The following ANO4 variants were observed in gnomAD, a reference collection of about 807,000 sequenced individuals.
The protein encoded by ANO4 is anoctamin-4.
Under a neutral mutation model 141.9 loss-of-function variants are expected in ANO4, and 69 were observed. The ratio of observed to expected loss-of-function variants is 0.49; its 90% CI spans 0.40 to 0.59. The LOEUF (loss-of-function observed/expected upper bound fraction) is 0.59, where lower values mean the gene tolerates loss of function less well. ANO4 is among the 20% of genes least tolerant of loss of function. The pLI is 0.00. For missense variants in ANO4, 894 were observed against 1,162.2 expected (o/e 0.77, Z 3.36); for synonymous variants, 350 against 394.3 (o/e 0.89, Z 1.33).
chr12:100,840,746 C>T (rs1370163306), intron 1 of ANO4, among the ~76,000 whole-genome samples: 1 of 152,092 alleles, frequency 6.6e-6, no homozygotes, highest in Non-Finnish European at 1.5e-5. Flanking sequence ...ATAGAGACCC[C>T]CTCAAAGATC....
chr12:101,111,570 G>A lies in ANO4; in HGVS notation c.2310G>A (p.Trp770Ter). The A allele has an allele frequency of 2.5e-6, 4 of 1,603,814 alleles. No individual in the cohort carries two copies. Among genetic ancestry groups the A allele is most frequent in the Non-Finnish European group, 3.4e-6 (4 of 1,175,230 alleles). The change falls in exon 24 of 28, where the codon TGG becomes TGA. Residue 770 changes from tryptophan to a stop codon, truncating the protein, a stop_gained. Coordinates refer to ENST00000392977, the MANE Select transcript of ANO4 (RefSeq NM_001286615.2). LOFTEE classifies it high-confidence loss of function. Reference protein sequence around the residue: ...LASRAKDIGIWYGILEGIGIL... With the variant: ...LASRAKDIGI ...ACACTTCTATTTGAATAGGAATTTG[G>A]TATGGAATTCTTGAAGGCATTGGAA...
intron 1 of ANO4, among the ~76,000 whole-genome samples, chr12:100,724,375 G>A (rs2136748856): frequency 6.6e-6 from 1 of 152,344 alleles, no homozygotes; most frequent in East Asian, 1.9e-4. Context: ...GTTTGAGGAT[G>A]CAAGATGAGT....
intron 17 of ANO4, among the ~76,000 whole-genome samples, chr12:101,087,048 C>T (rs2049532384): frequency 6.6e-6 from 1 of 152,146 alleles, no homozygotes; most frequent in Non-Finnish European, 1.5e-5. Context: ...TAAGATTGGG[C>T]AAAGCACATA....
At chr12:100,717,616 C>T (rs1365252381) in intron 1 of ANO4, 1 of 399,148 alleles carries the variant, frequency 2.5e-6, no homozygotes, top group Non-Finnish European at 4.4e-6. Flanking sequence ...GCCGTCGAAA[C>T]ACCCGGGGAA....
At chr12:100,825,691 T>C (rs750143703) in intron 1 of ANO4, among the ~76,000 whole-genome samples, 1 of 151,992 alleles carries the variant, frequency 6.6e-6, no homozygotes, top group Non-Finnish European at 1.5e-5. Context: ...GGTGTGAAAA[T>C]TTGGAACACT....
rs532656844 is a variant in ANO4 at position 100,914,645 on chromosome 12, CT to C, written c.56-7572del. On this transcript the variant is annotated intron_variant, in intron 2 of 27. Coordinates refer to ENST00000392977, the MANE Select transcript of ANO4 (RefSeq NM_001286615.2). ...ATAATGTTAAAAAAACAAGATGGAACTTTTTTTTTCAGAACCAGTAGCATTT... is the reference window on the plus strand; with the variant it reads ...ATAATGTTAAAAAAACAAGATGGAACTTTTTTTTCAGAACCAGTAGCATTT... Among the ~76,000 whole-genome samples, 70 of 151,448 alleles carry C rather than the reference CT, an allele frequency of 4.6e-4. 1 individual carries two copies. The South Asian group carries it at 0.013, about 28-fold the overall frequency.
intron 1 of ANO4, among the ~76,000 whole-genome samples, chr12:100,888,347 G>A (rs1306747096): frequency 1.3e-5 from 2 of 152,180 alleles, no homozygotes; most frequent in Non-Finnish European, 2.9e-5. Flanking sequence ...GGAGAGGCTG[G>A]GTTATGGAAA....
intron 3 of ANO4, among the ~76,000 whole-genome samples, chr12:100,753,831 T>C (rs1043165260): frequency 4.6e-5 from 7 of 152,234 alleles, no homozygotes; most frequent in Admixed American, 3.9e-4. Context: ...TCCCCTAATA[T>C]TTAGCTCTGA....
At chr12:101,113,129 A>G (rs1286658432) in intron 24 of ANO4, among the ~76,000 whole-genome samples, 2 of 152,184 alleles carry the variant, frequency 1.3e-5, no homozygotes, top group Non-Finnish European at 2.9e-5. Flanking sequence ...CACAAGGCAT[A>G]GTAACTCTGG....
At position 100,882,792 on chromosome 12, in the gene ANO4, G is replaced by C. The variant is rs12310575; in HGVS notation, c.-140-18854G>C. 4.8e-3 allele frequency among the ~76,000 whole-genome samples: 737 copies of C among 152,076 alleles called. 8 individuals carry two copies. The highest frequency in any genetic ancestry group is 0.017 in the African/African-American group (695 of 41,456). ...TGGCTCTCTGCAACCTCTGCCTCCCGGGTTCAAGCAGTTCTCCCTTCCTCA... is the reference window on the plus strand; with the variant it reads ...TGGCTCTCTGCAACCTCTGCCTCCCCGGTTCAAGCAGTTCTCCCTTCCTCA... On this transcript the variant is annotated intron_variant, in intron 1 of 27. Transcript: ENST00000392977.
At chr12:100,778,024 A>G (rs1446606816) in intron 3 of ANO4, among the ~76,000 whole-genome samples, 2 of 149,386 alleles carry the variant, frequency 1.3e-5, no homozygotes, top group Non-Finnish European at 1.5e-5. Context: ...GGTTCACACC[A>G]TTCTCCTGCC....
chr12:100,968,261 A>G (rs951222201), intron 5 of ANO4, among the ~76,000 whole-genome samples: 4 of 115,928 alleles, frequency 3.5e-5, no homozygotes, highest in Non-Finnish European at 6.9e-5. Flanking sequence ...CTACATATAG[A>G]AATGTATTTA....
In ANO4 at chr12:101,096,642, C is replaced by T. The variant is rs572173243; in HGVS notation, c.1845C>T (p.Leu615=). The change falls in exon 19 of 28, where the codon CTC becomes CTT. Residue 615 remains leucine, a synonymous_variant. Coordinates refer to ENST00000392977, the MANE Select transcript of ANO4 (RefSeq NM_001286615.2). ...CCACATTTTACATCGCATTCTTCCTCGGAAGGTAAGAACCTGACCCCTGCA... is the reference window on the plus strand; with the variant it reads ...CCACATTTTACATCGCATTCTTCCTTGGAAGGTAAGAACCTGACCCCTGCA... ...NSSTFYIAFF[L]GRFTGHPGAY... 24 of 1,612,282 alleles carry T rather than the reference C, an allele frequency of 1.5e-5. No individual in the cohort carries two copies. The highest frequency in any genetic ancestry group is 3.3e-5 in the South Asian group (3 of 91,054).
chr12:100,861,632 C>T (rs150756603), intron 1 of ANO4, among the ~76,000 whole-genome samples: 141 of 152,234 alleles, frequency 9.3e-4, no homozygotes, highest in African/African-American at 3.3e-3. Context: ...TTATAAACAT[C>T]CTACATTTAG....
chr12:101,067,128 T>C (rs1443931958), intron 14 of ANO4: 4 of 332,530 alleles, frequency 1.2e-5, no homozygotes, highest in Non-Finnish European at 2.2e-5. Context: ...CCACTTTTTA[T>C]AATGGATTGT....
intron 15 of ANO4, 75 bp downstream of exon 15, chr12:101,079,350 ACT>A (rs2049152037): frequency 7.9e-7 from 1 of 1,273,270 alleles, no homozygotes; most frequent in African/African-American, 1.5e-5. Context: ...CAAAATTGTC[ACT>A]CTCTGTTCTG....
At chr12:101,048,310 T>G (rs1246530534) in intron 13 of ANO4, 31 bp from the exon 14 acceptor site, 2 of 1,605,520 alleles carry the variant, frequency 1.2e-6, no homozygotes, top group African/African-American at 2.7e-5. Flanking sequence ...ATATGAGAAA[T>G]TAACTCAGCA....
At chr12:101,120,474 C>T in intron 25 of ANO4, 46 bp from the exon 26 acceptor site, 1 of 1,513,406 alleles carries the variant, frequency 6.6e-7, no homozygotes, top group Non-Finnish European at 9.2e-7. Context: ...ATTTGAGAAT[C>T]AGAAAAATCA....
intron 1 of ANO4, among the ~76,000 whole-genome samples, chr12:100,795,547 T>A (rs183120191): frequency 8.2e-4 from 125 of 152,284 alleles, no homozygotes; most frequent in African/African-American, 2.9e-3. Flanking sequence ...TGACCCTATA[T>A]CTTGTGGGGT....
Sources: allele counts gnomAD v4.1 joint callset (sites outside exome capture counted in the v4.1 genomes callset), GRCh38; gene constraint gnomAD v4.1.1; transcripts MANE v1.5; gene names NCBI Gene and HGNC (gene_info 2026-07-23, HGNC 2026-07-21).